Variants in KYAT1 observed in about 807,000 individuals in gnomAD.
KYAT1 encodes the protein kynurenine aminotransferase 1, also known as kynurenine--oxoglutarate transaminase 1.
Under a neutral mutation model 52.4 loss-of-function variants are expected in KYAT1, and 47 were observed. The observed-to-expected ratio is 0.90, with a 90% confidence interval of 0.71 to 1.14. The LOEUF (loss-of-function observed/expected upper bound fraction) is 1.14. KYAT1 is among the 50% of genes most tolerant of loss of function. The probability of loss-of-function intolerance (pLI) is 0.00; values close to 1 mark genes in which losing one functional copy is unlikely to be tolerated. For missense variants in KYAT1, 480 were observed against 557.9 expected, an observed-to-expected ratio of 0.86 and a Z score of 1.41; for synonymous variants, 212 against 209.6, an observed-to-expected ratio of 1.01 and a Z score of -0.10.
At chr9:128,869,257 G>C (rs945902093) in intron 1 of KYAT1, among the ~76,000 whole-genome samples, 1 of 151,050 alleles carries the variant, frequency 6.6e-6, no homozygotes, top group Non-Finnish European at 1.5e-5. Context: ...TGCCTCCCGG[G>C]TTCACACCAT....
intron 1 of KYAT1, among the ~76,000 whole-genome samples, chr9:128,863,104 G>A (rs1835686305): frequency 6.6e-6 from 1 of 151,922 alleles, no homozygotes; most frequent in Non-Finnish European, 1.5e-5. Context: ...TGAGATTACA[G>A]GCATGAGCCA....
intron 1 of KYAT1, among the ~76,000 whole-genome samples, chr9:128,862,565 GC>G: frequency 6.6e-6 from 1 of 152,364 alleles, no homozygotes; most frequent in African/African-American, 2.4e-5. Context: ...TCTCTGCCCT[GC>G]CCCAGCCTTG....
intron 1 of KYAT1, among the ~76,000 whole-genome samples, chr9:128,873,754 C>G (rs149628803): frequency 4.5e-4 from 68 of 151,244 alleles, no homozygotes; most frequent in African/African-American, 1.6e-3. Flanking sequence ...GAGCGAGACT[C>G]CATCTCAAAA....
At chr9:128,871,800 G>C (rs752509893) in intron 1 of KYAT1, among the ~76,000 whole-genome samples, 1 of 152,142 alleles carries the variant, frequency 6.6e-6, no homozygotes, top group Non-Finnish European at 1.5e-5. Flanking sequence ...TATTCAGGTA[G>C]TCTTTACTTT....
rs145379312 is a variant in KYAT1 at position 128,858,887 on chromosome 9, A to T, written c.-6-13476T>A. 7.2e-3 allele frequency among the ~76,000 whole-genome samples: 1,099 copies of T among 151,756 alleles called. 8 individuals carry two copies. Among genetic ancestry groups the T allele is most frequent in the African/African-American group, 0.019 (775 of 41,314 alleles). On this transcript the variant is annotated intron_variant, in intron 1 of 12. Coordinates refer to ENST00000302586, the MANE Select transcript of KYAT1 (RefSeq NM_004059.5). ...GCTGGACATGGTGGCTCATACCTGT[A>T]ATCCCAGCTACTCGGGAGGCTGAGG...
At chr9:128,869,635 C>T (rs750295766) in intron 1 of KYAT1, among the ~76,000 whole-genome samples, 7 of 151,908 alleles carry the variant, frequency 4.6e-5, no homozygotes, top group Non-Finnish European at 8.8e-5. Context: ...GGTCTCACCA[C>T]GTTGCCCAGG....
At chr9:128,849,187 G>A (rs1295778334) in intron 1 of KYAT1, among the ~76,000 whole-genome samples, 3 of 150,716 alleles carry the variant, frequency 2.0e-5, no homozygotes, top group African/African-American at 4.9e-5. Context: ...TGAGGTGGAC[G>A]GATCACCTGA....
chr9:128,836,220 C>G, intron 7 of KYAT1, 147 bp from the exon 8 acceptor site: 1 of 558,142 alleles, frequency 1.8e-6, no homozygotes, highest in East Asian at 3.1e-5. Context: ...TTTTTTCTTT[C>G]TTTCTTCCTT....
chr9:128,854,158 G>A lies in KYAT1; in HGVS notation c.-6-8747C>T, dbSNP rs530210926. On this transcript the variant is annotated intron_variant, in intron 1 of 12. Coordinates refer to ENST00000302586, the MANE Select transcript of KYAT1 (RefSeq NM_004059.5). Reference sequence around the variant, plus strand: ...ACAGAAATCCCTTATAATTCCCAAGGACAGGCCATAATTGAAAGAAGTAAT... The same window carrying A: ...ACAGAAATCCCTTATAATTCCCAAGAACAGGCCATAATTGAAAGAAGTAAT... Among the ~76,000 whole-genome samples, 6 of 152,108 alleles carry A rather than the reference G, an allele frequency of 3.9e-5. 1 individual carries two copies. The highest frequency in any genetic ancestry group is 1.4e-4 in the African/African-American group (6 of 41,472).
rs148602883 is a variant in KYAT1 at position 128,851,705 on chromosome 9, G to A, written c.-6-6294C>T. 1.2e-4 allele frequency among the ~76,000 whole-genome samples: 18 copies of A among 152,322 alleles called. No homozygotes were observed. The East Asian group carries it at 2.5e-3, about 21-fold the overall frequency. On this transcript the variant is annotated intron_variant, in intron 1 of 12. Transcript: ENST00000302586. Reference sequence around the variant, plus strand: ...TTTCTGATGCCCCTGAAAGCTGTGTGATAGATTGTGAAGAAGAGGCAGAGA... The same window carrying A: ...TTTCTGATGCCCCTGAAAGCTGTGTAATAGATTGTGAAGAAGAGGCAGAGA...
chr9:128,846,894 G>T, intron 1 of KYAT1: 1 of 1,519,232 alleles, frequency 6.6e-7, no homozygotes, highest in East Asian at 2.5e-5. Flanking sequence ...TCAGGATTTT[G>T]CTCAGTTCCA....
chr9:128,847,337 G>A (rs1833258774), intron 1 of KYAT1: 1 of 768,912 alleles, frequency 1.3e-6, no homozygotes, highest in African/African-American at 1.8e-5. Flanking sequence ...CTCCCTGAAA[G>A]AGAAGGCTCA....
chr9:128,838,287 C>A lies in KYAT1; in HGVS notation c.282G>T (p.Val94=), dbSNP rs1232040345. 1 of 1,614,206 alleles carries A rather than the reference C, an allele frequency of 6.2e-7. No individual in the cohort carries two copies. The highest frequency in any genetic ancestry group is 8.5e-7 in the Non-Finnish European group (1 of 1,180,030). The change falls in exon 4 of 13, where the codon GTG becomes GTT. Residue 94 remains valine, a synonymous_variant. Transcript: ENST00000302586. ...CCCCATAGCCACCAACAGTCACCAG[C>A]ACATTCCTGAGCGGGTCTATCTCCT... is the stretch of plus-strand genomic sequence containing the variant. The part of the protein sequence containing the change: ...LGQEIDPLRN[V]LVTVGGYGAL...
At chr9:128,863,324 A>G (rs1357165344) in intron 1 of KYAT1, among the ~76,000 whole-genome samples, 3 of 152,070 alleles carry the variant, frequency 2.0e-5, no homozygotes, top group Non-Finnish European at 4.4e-5. Flanking sequence ...TTTTCTATGC[A>G]TGAAATAAAT....
intron 1 of KYAT1, among the ~76,000 whole-genome samples, chr9:128,870,308 G>A (rs938276530): frequency 1.3e-5 from 2 of 152,170 alleles, no homozygotes; most frequent in African/African-American, 4.8e-5. Flanking sequence ...AAAATGGAAT[G>A]AAATATGTGC....
chr9:128,858,266 A>T (rs183574934), intron 1 of KYAT1, among the ~76,000 whole-genome samples: 2 of 151,544 alleles, frequency 1.3e-5, no homozygotes, highest in African/African-American at 4.9e-5. Flanking sequence ...GCGAAGTCAC[A>T]TGCACCTGTA....
chr9:128,860,954 C>T (rs1159969073), intron 1 of KYAT1, among the ~76,000 whole-genome samples: 2 of 152,136 alleles, frequency 1.3e-5, no homozygotes, highest in Admixed American at 1.3e-4. Flanking sequence ...TCACTGATCA[C>T]AGATCACCGT....
chr9:128,859,601 T>C (rs951455974), intron 1 of KYAT1, among the ~76,000 whole-genome samples: 3 of 149,832 alleles, frequency 2.0e-5, no homozygotes, highest in African/African-American at 7.4e-5. Context: ...ACCCAGGAGG[T>C]GGAGGTTGCA....
At chr9:128,840,110 G>A (rs1044903782) in intron 3 of KYAT1, among the ~76,000 whole-genome samples, 2 of 151,958 alleles carry the variant, frequency 1.3e-5, no homozygotes, top group African/African-American at 4.8e-5. Context: ...AAAACAGGAA[G>A]AGAAAAATAT....
Sources: gnomAD v4.1 joint callset for allele counts (sites outside exome capture counted in the v4.1 genomes callset) on GRCh38, gnomAD v4.1.1 for gene constraint, MANE v1.5 for transcripts, NCBI Gene and HGNC (gene_info 2026-07-23, HGNC 2026-07-21) for gene names.